Variants in CNTN5 observed in about 807,000 individuals in gnomAD.
The protein encoded by CNTN5 is contactin 5.
A neutral mutation model predicts 129.1 loss-of-function variants in CNTN5; 77 were observed. The observed-to-expected ratio is 0.60, with a 90% CI of 0.50 to 0.72. The LOEUF (loss-of-function observed/expected upper bound fraction) is 0.72. Among genes scored for constraint, CNTN5 ranks in the 30% least tolerant of loss-of-function variants. The pLI is 0.00. For synonymous variants in CNTN5, 509 were observed against 465.6 expected, an observed-to-expected ratio of 1.09 and a Z score of -1.20; for missense variants, 1,478 against 1,328.8, an observed-to-expected ratio of 1.11 and a Z score of -1.75.
At chr11:99,775,259 T>G (rs1371282380) in intron 3 of CNTN5, among the ~76,000 whole-genome samples, 1 of 152,162 alleles carries the variant, frequency 6.6e-6, no homozygotes, top group Non-Finnish European at 1.5e-5. Context: ...ATCTTGCTTT[T>G]TTAATACGGT....
At chr11:99,168,815 G>A (rs1370138519) in intron 1 of CNTN5, among the ~76,000 whole-genome samples, 3 of 152,324 alleles carry the variant, frequency 2.0e-5, no homozygotes, top group Admixed American at 2.0e-4. Flanking sequence ...ACATATGGAA[G>A]AAGAAGAAAT....
At chr11:99,631,578 G>A (rs1260225853) in intron 3 of CNTN5, among the ~76,000 whole-genome samples, 2 of 151,428 alleles carry the variant, frequency 1.3e-5, no homozygotes, top group African/African-American at 4.9e-5. Context: ...TTACTTTTTT[G>A]TGATAAATGT....
intron 1 of CNTN5, among the ~76,000 whole-genome samples, chr11:99,299,541 CA>C (rs1864533841): frequency 6.6e-6 from 1 of 152,090 alleles, no homozygotes; most frequent in African/African-American, 2.4e-5. Context: ...GAAAAATAAA[CA>C]GAGTCTCAAA....
chr11:99,178,314 C>CA (rs1857877372), intron 1 of CNTN5, among the ~76,000 whole-genome samples: 2 of 125,468 alleles, frequency 1.6e-5, no homozygotes, highest in East Asian at 2.4e-4. Flanking sequence ...GACCTCATCT[C>CA]CACACACACA....
intron 4 of CNTN5, among the ~76,000 whole-genome samples, chr11:99,829,101 A>G (rs964130545): frequency 3.9e-5 from 6 of 152,168 alleles, no homozygotes; most frequent in Non-Finnish European, 5.9e-5. Flanking sequence ...TTTTGGTTAT[A>G]TTTTAATTAG....
chr11:100,077,067 A>G (rs1372917077), intron 13 of CNTN5, among the ~76,000 whole-genome samples: 1 of 152,172 alleles, frequency 6.6e-6, no homozygotes, highest in Non-Finnish European at 1.5e-5. Context: ...TATATTTTAC[A>G]TTCTTTAAAA....
chr11:100,147,803 T>G (rs1946905111), intron 13 of CNTN5, among the ~76,000 whole-genome samples: 1 of 152,044 alleles, frequency 6.6e-6, no homozygotes, highest in Admixed American at 6.6e-5. Flanking sequence ...GGTGCTAATT[T>G]TACCTTATGG....
At chr11:99,357,623 G>A (rs1183429210) in intron 2 of CNTN5, among the ~76,000 whole-genome samples, 10 of 151,860 alleles carry the variant, frequency 6.6e-5, no homozygotes, top group African/African-American at 2.4e-4. Flanking sequence ...TGCAAAATAA[G>A]ATAATAAAAT....
chr11:99,288,310 A>G (rs1396263385), intron 1 of CNTN5, among the ~76,000 whole-genome samples: 1 of 151,834 alleles, frequency 6.6e-6, no homozygotes, highest in African/African-American at 2.4e-5. Context: ...TTAGAAGTCA[A>G]CTCTGTGAGC....
chr11:99,792,213 C>G (rs1350102319), intron 3 of CNTN5, among the ~76,000 whole-genome samples: 2 of 152,096 alleles, frequency 1.3e-5, no homozygotes, highest in Admixed American at 1.3e-4. Context: ...TTTGCCTATT[C>G]AGTATGATGT....
At chr11:99,981,596 G>A (rs1401906382) in intron 8 of CNTN5, among the ~76,000 whole-genome samples, 1 of 152,056 alleles carries the variant, frequency 6.6e-6, no homozygotes, top group Non-Finnish European at 1.5e-5. Flanking sequence ...ATTGCTTAAC[G>A]TATCCAGTCA....
intron 13 of CNTN5, among the ~76,000 whole-genome samples, chr11:100,148,723 A>T (rs79964440): frequency 4.5e-5 from 1 of 22,154 alleles, no homozygotes; most frequent in African/African-American, 5.6e-4. Flanking sequence ...GATATATCTA[A>T]CAAACAAACA....
In CNTN5 at chr11:100,082,715, G is replaced by C. The variant is rs560166488; in HGVS notation, c.1580+8421G>C. On this transcript the variant is annotated intron_variant, in intron 13 of 24. Coordinates refer to ENST00000524871, the MANE Select transcript of CNTN5 (RefSeq NM_014361.4). ...AATTTCATTTGAAGAGAAAATGTCT[G>C]CATGGACACAAATACATTAAAAATA... Among the ~76,000 whole-genome samples the C allele has an allele frequency of 1.8e-4, 28 of 152,192 alleles. 1 individual carries two copies. The South Asian group carries it at 5.6e-3, about 30-fold the overall frequency.
At chr11:99,778,800 T>C (rs1273464911) in intron 3 of CNTN5, among the ~76,000 whole-genome samples, 1 of 151,894 alleles carries the variant, frequency 6.6e-6, no homozygotes, top group Non-Finnish European at 1.5e-5. Flanking sequence ...ACTATATCAA[T>C]AAAATATTCA....
intron 9 of CNTN5, among the ~76,000 whole-genome samples, chr11:100,049,718 C>G (rs1942859517): frequency 6.6e-6 from 1 of 152,112 alleles, no homozygotes; most frequent in African/African-American, 2.4e-5. Flanking sequence ...TTTTCACAAC[C>G]TACTCACCTG....
intron 24 of CNTN5, among the ~76,000 whole-genome samples, chr11:100,351,287 A>G (rs1197798570): frequency 6.6e-6 from 1 of 151,620 alleles, no homozygotes; most frequent in Non-Finnish European, 1.5e-5. Context: ...ATGTGACCAT[A>G]TTTATTGATT....
At chr11:99,798,074 C>T (rs960089196) in intron 3 of CNTN5, among the ~76,000 whole-genome samples, 3 of 151,976 alleles carry the variant, frequency 2.0e-5, no homozygotes, top group Non-Finnish European at 4.4e-5. Flanking sequence ...AAGCTTAGTA[C>T]ACATTAGTTA....
intron 2 of CNTN5, among the ~76,000 whole-genome samples, chr11:99,460,859 G>A (rs1236944116): frequency 1.3e-5 from 2 of 151,828 alleles, no homozygotes; most frequent in African/African-American, 2.4e-5. Context: ...CCTCCCAAAC[G>A]ATCCATCCAT....
intron 13 of CNTN5, among the ~76,000 whole-genome samples, chr11:100,082,367 G>A (rs973767044): frequency 2.6e-5 from 4 of 152,010 alleles, no homozygotes; most frequent in Non-Finnish European, 4.4e-5. Context: ...CTGCAACCTC[G>A]ACCTTCCAGG....
Sources: allele counts gnomAD v4.1 joint callset (sites outside exome capture counted in the v4.1 genomes callset), GRCh38; gene constraint gnomAD v4.1.1; transcripts MANE v1.5; gene names NCBI Gene and HGNC (gene_info 2026-07-23, HGNC 2026-07-21).